The following ANKRD17 variants were observed in gnomAD, a reference collection of about 807,000 sequenced individuals.
ANKRD17 encodes ankyrin repeat domain 17.
Under a neutral mutation model 229.7 loss-of-function variants are expected in ANKRD17, and 19 were observed. That is an observed-to-expected ratio of 0.08 (90% CI 0.06 to 0.12). The LOEUF is 0.12. ANKRD17 is among the 10% of genes least tolerant of loss of function. The pLI is 1.00. For missense variants in ANKRD17, 2,176 were observed against 3,176.8 expected, an observed-to-expected ratio of 0.68 and a Z score of 7.57; for synonymous variants, 1,112 against 1,146.1, an observed-to-expected ratio of 0.97 and a Z score of 0.60.
intron 1 of ANKRD17, among the ~76,000 whole-genome samples, chr4:73,212,562 A>G (rs1225111814): frequency 3.3e-5 from 5 of 152,128 alleles, no homozygotes; most frequent in African/African-American, 9.7e-5. Flanking sequence ...GGAGAAAACT[A>G]AAAAATAATA....
At chr4:73,193,460 CTACCTGCAA>C (rs1016167983) in intron 1 of ANKRD17, among the ~76,000 whole-genome samples, 13 of 152,312 alleles carry the variant, frequency 8.5e-5, no homozygotes, top group African/African-American at 2.9e-4. Flanking sequence ...CTATACATTC[CTACCTGCAA>C]TATATGAAAG....
At chr4:73,183,318 T>C (rs1735831238) in intron 1 of ANKRD17, among the ~76,000 whole-genome samples, 1 of 152,188 alleles carries the variant, frequency 6.6e-6, no homozygotes. Flanking sequence ...AATATCCTTG[T>C]TTTTCAGACA....
intron 3 of ANKRD17, among the ~76,000 whole-genome samples, chr4:73,158,275 C>G (rs1224615744): frequency 6.6e-6 from 1 of 152,190 alleles, no homozygotes; most frequent in Non-Finnish European, 1.5e-5. Context: ...ACAGTAAAAG[C>G]TGAAATCCTT....
chr4:73,097,024 C>T, intron 27 of ANKRD17, 93 bp downstream of exon 27: 1 of 1,433,884 alleles, frequency 7.0e-7, no homozygotes. Flanking sequence ...TGTTTGCAAC[C>T]TTTAGAAGAG....
intron 1 of ANKRD17, among the ~76,000 whole-genome samples, chr4:73,230,353 G>A (rs1177234931): frequency 1.3e-5 from 2 of 151,600 alleles, no homozygotes; most frequent in African/African-American, 4.8e-5. Context: ...TTTTTCTCAA[G>A]GCTCATACTA....
At chr4:73,095,431 T>C (rs1031176909) in intron 27 of ANKRD17, among the ~76,000 whole-genome samples, 8 of 150,642 alleles carry the variant, frequency 5.3e-5, no homozygotes, top group African/African-American at 2.0e-4. Context: ...TGAAATCTCA[T>C]CTCTACTAAA....
chr4:73,100,911 T>C, intron 25 of ANKRD17: 2 of 985,378 alleles, frequency 2.0e-6, no homozygotes, highest in African/African-American at 1.7e-5. Context: ...CTTCCCACAA[T>C]ACAGTCAGTC....
At chr4:73,156,827 C>G (rs1462926289) in intron 3 of ANKRD17, among the ~76,000 whole-genome samples, 2 of 152,120 alleles carry the variant, frequency 1.3e-5, no homozygotes, top group African/African-American at 2.4e-5. Context: ...CATAAATTAT[C>G]CAGTCTCAGG....
chr4:73,113,414 T>C, intron 24 of ANKRD17: 1 of 1,283,412 alleles, frequency 7.8e-7, no homozygotes, highest in South Asian at 1.2e-5. Context: ...GGTAGTGCAT[T>C]TGGTACTTGT....
At chr4:73,136,008 A>C (rs934660930) in intron 15 of ANKRD17, among the ~76,000 whole-genome samples, 3 of 152,316 alleles carry the variant, frequency 2.0e-5, no homozygotes, top group Middle Eastern at 3.4e-3. Context: ...GATTACTATT[A>C]TTCTAAGTAT....
intron 1 of ANKRD17, among the ~76,000 whole-genome samples, chr4:73,238,328 A>G (rs1743697067): frequency 6.6e-6 from 1 of 152,186 alleles, no homozygotes; most frequent in South Asian, 2.1e-4. Flanking sequence ...ATTAAGAGGT[A>G]TAGGAGGGTC....
Position 73,258,366 on chromosome 4 carries a change from G to A in ANKRD17, c.303C>T (p.Gly101=). The change falls in exon 1 of 34, where the codon GGC becomes GGT. Residue 101 remains glycine, a synonymous_variant. Transcript: ENST00000358602. The part of the protein sequence containing the change: ...DSDNSGGGGG[G]GGGGGGGGGT... Reference sequence around the variant, plus strand: ...CGCCGCCGCCACCTCCGCCTCCACCGCCGCCTCCACCGCCGCCGCTGTTGT... The same window carrying A: ...CGCCGCCGCCACCTCCGCCTCCACCACCGCCTCCACCGCCGCCGCTGTTGT... The A allele has an allele frequency of 1.9e-6, 3 of 1,565,348 alleles. No homozygotes were observed. The highest frequency in any genetic ancestry group is 8.7e-7 in the Non-Finnish European group (1 of 1,149,548).
chr4:73,212,199 T>G (rs527769905), intron 1 of ANKRD17, among the ~76,000 whole-genome samples: 1 of 152,068 alleles, frequency 6.6e-6, no homozygotes, highest in Admixed American at 6.5e-5. Flanking sequence ...AAAACCAGCA[T>G]TTACTATGTT....
intron 16 of ANKRD17, among the ~76,000 whole-genome samples, chr4:73,129,761 C>T: frequency 7.5e-6 from 1 of 134,162 alleles, no homozygotes; most frequent in South Asian, 2.4e-4. Flanking sequence ...CTATTAATTA[C>T]TTTTTTTTTT....
chr4:73,226,389 G>GCT (rs1742502692), intron 1 of ANKRD17, among the ~76,000 whole-genome samples: 1 of 87,612 alleles, frequency 1.1e-5, no homozygotes, highest in Admixed American at 1.7e-4. Context: ...CTTTTCTTCT[G>GCT]TTTTTTTTTT....
intron 1 of ANKRD17, among the ~76,000 whole-genome samples, chr4:73,193,365 A>G (rs934904521): frequency 6.6e-6 from 1 of 152,232 alleles, no homozygotes; most frequent in Non-Finnish European, 1.5e-5. Context: ...CACTTCTCTT[A>G]AATACGTACA....
chr4:73,229,027 G>T (rs959890871), intron 1 of ANKRD17, among the ~76,000 whole-genome samples: 2 of 152,046 alleles, frequency 1.3e-5, no homozygotes, highest in Admixed American at 6.5e-5. Context: ...GCAAACTATC[G>T]CAAGAACAAA....
intron 24 of ANKRD17, among the ~76,000 whole-genome samples, chr4:73,112,006 AGGACATCTAAG>A (rs1183579930): frequency 6.6e-6 from 1 of 152,242 alleles, no homozygotes; most frequent in African/African-American, 2.4e-5. Flanking sequence ...CTAAAACATG[AGGACATCTAAG>A]GGACATTCAT....
At chr4:73,130,381 T>C (rs1247492724) in intron 16 of ANKRD17, among the ~76,000 whole-genome samples, 1 of 152,154 alleles carries the variant, frequency 6.6e-6, no homozygotes, top group Non-Finnish European at 1.5e-5. Flanking sequence ...CTCTAATTTC[T>C]CATGTTAAAT....
Sources: allele counts gnomAD v4.1 joint callset (sites outside exome capture counted in the v4.1 genomes callset), GRCh38; gene constraint gnomAD v4.1.1; transcripts MANE v1.5; gene names NCBI Gene and HGNC (gene_info 2026-07-23, HGNC 2026-07-21).